LDAH: variants seen among roughly 807,000 people sequenced by gnomAD.
The protein encoded by LDAH is lipid droplet-associated hydrolase.
Under a neutral mutation model 29.6 loss-of-function variants are expected in LDAH, and 26 were observed. That is an observed-to-expected ratio of 0.88 (90% CI 0.64 to 1.22). LDAH has a LOEUF of 1.22. LDAH is among the 50% of genes most tolerant of loss of function. The pLI is 0.00. For missense variants in LDAH, 344 were observed against 387.3 expected (o/e 0.89, Z 0.94); for synonymous variants, 117 against 133.0 (o/e 0.88, Z 0.83).
chr2:20,822,887 A>G (rs1673436543), intron 1 of LDAH, 150 bp downstream of exon 1: 1 of 152,250 alleles, frequency 6.6e-6, no homozygotes, highest in Non-Finnish European at 1.5e-5. Flanking sequence ...CTGTCGGAAC[A>G]GTATTATTTT....
At chr2:20,783,222 T>C (rs1187295258) in intron 3 of LDAH, among the ~76,000 whole-genome samples, 2 of 152,196 alleles carry the variant, frequency 1.3e-5, no homozygotes, top group Non-Finnish European at 2.9e-5. Flanking sequence ...TCTTAAGGTA[T>C]GTTTTATGGC....
intron 6 of LDAH, 70 bp downstream of exon 6, chr2:20,701,500 C>A: frequency 8.1e-7 from 1 of 1,234,746 alleles, no homozygotes; most frequent in South Asian, 1.2e-5. Context: ...CTAACTAGTT[C>A]TAGTCCTTTG....
intron 1 of LDAH, among the ~76,000 whole-genome samples, chr2:20,806,941 A>G (rs1672103657): frequency 6.6e-6 from 1 of 151,834 alleles, no homozygotes; most frequent in Non-Finnish European, 1.5e-5. Flanking sequence ...AAGAGTAGAT[A>G]TTAATGAAAT....
At chr2:20,777,380 T>C (rs1669890937) in intron 3 of LDAH, among the ~76,000 whole-genome samples, 1 of 152,228 alleles carries the variant, frequency 6.6e-6, no homozygotes, top group Admixed American at 6.5e-5. Context: ...TTTCTAAAAA[T>C]GTACAATGAC....
At chr2:20,726,945 C>A (rs1000149320) in intron 5 of LDAH, among the ~76,000 whole-genome samples, 2 of 152,096 alleles carry the variant, frequency 1.3e-5, no homozygotes, top group African/African-American at 4.8e-5. Context: ...ACTTCTAAAC[C>A]AGAGATTATA....
intron 4 of LDAH, among the ~76,000 whole-genome samples, chr2:20,764,292 G>T (rs959716680): frequency 6.6e-6 from 1 of 152,222 alleles, no homozygotes; most frequent in Non-Finnish European, 1.5e-5. Flanking sequence ...GAGACTTACG[G>T]TTTTCTGAAA....
At chr2:20,708,789 C>T (rs2149368265) in intron 5 of LDAH, among the ~76,000 whole-genome samples, 1 of 152,206 alleles carries the variant, frequency 6.6e-6, no homozygotes, top group East Asian at 1.9e-4. Context: ...GTAACTATGA[C>T]ATCAAAAGCA....
intron 6 of LDAH, among the ~76,000 whole-genome samples, chr2:20,693,282 G>C (rs1415425330): frequency 7.1e-6 from 1 of 141,142 alleles, no homozygotes; most frequent in East Asian, 2.5e-4. Context: ...TGGGTGGGTG[G>C]GAGCTGTGCC....
At chr2:20,741,722 G>A (rs533467463) in intron 4 of LDAH, among the ~76,000 whole-genome samples, 2 of 152,228 alleles carry the variant, frequency 1.3e-5, no homozygotes, top group African/African-American at 2.4e-5. Flanking sequence ...AGGACATGCA[G>A]TATTTGTCTT....
chr2:20,819,102 C>G (rs540119636), intron 1 of LDAH, among the ~76,000 whole-genome samples: 1 of 152,162 alleles, frequency 6.6e-6, no homozygotes, highest in African/African-American at 2.4e-5. Context: ...AAAACGAAAC[C>G]ACACACTACA....
At chr2:20,764,281 A>G (rs1215802227) in intron 4 of LDAH, among the ~76,000 whole-genome samples, 1 of 152,248 alleles carries the variant, frequency 6.6e-6, no homozygotes, top group East Asian at 1.9e-4. Context: ...ACTTAGAGTA[A>G]GAGACTTACG....
intron 4 of LDAH, among the ~76,000 whole-genome samples, chr2:20,763,522 T>G (rs1668825965): frequency 6.6e-6 from 1 of 152,252 alleles, no homozygotes; most frequent in Non-Finnish European, 1.5e-5. Flanking sequence ...TTGAGACATG[T>G]TGGCTTATTC....
At chr2:20,750,891 C>T (rs370976665) in intron 4 of LDAH, among the ~76,000 whole-genome samples, 14 of 152,306 alleles carry the variant, frequency 9.2e-5, no homozygotes, top group African/African-American at 2.9e-4. Context: ...ATTATCCTAA[C>T]CAAATTAATG....
chr2:20,749,539 A>T (rs1051696063), intron 4 of LDAH, among the ~76,000 whole-genome samples: 9 of 152,214 alleles, frequency 5.9e-5, no homozygotes, highest in Admixed American at 2.6e-4. Flanking sequence ...AGGCATGTAT[A>T]GGGCACACAG....
chr2:20,719,224 G>T (rs375181858), intron 5 of LDAH, among the ~76,000 whole-genome samples: 9 of 130,538 alleles, frequency 6.9e-5, no homozygotes, highest in East Asian at 4.7e-4. Flanking sequence ...AAATGAAAAA[G>T]TTTTTTTTTT....
chr2:20,788,785 G>C, intron 3 of LDAH: 1 of 235,912 alleles, frequency 4.2e-6, no homozygotes, highest in South Asian at 5.2e-5. Context: ...TACACCTTTT[G>C]AAAGTGTCCT....
chr2:20,798,897 A>G (rs1385460220), intron 2 of LDAH, among the ~76,000 whole-genome samples: 1 of 152,086 alleles, frequency 6.6e-6, no homozygotes, highest in Non-Finnish European at 1.5e-5. Flanking sequence ...AAAACAAAAG[A>G]CAACTGAAGA....
chr2:20,685,764 T>C lies in LDAH; in HGVS notation c.*1139A>G. The C allele has an allele frequency of 7.4e-7, 1 of 1,355,308 alleles. No homozygotes were observed. The highest frequency in any genetic ancestry group is 9.9e-7 in the Non-Finnish European group (1 of 1,010,646). 84.0% of individuals were successfully genotyped at this position (1,355,308 alleles called of 1,614,324 possible). A position where few individuals can be genotyped will look rare whatever the true frequency, so the allele number is the denominator to read the frequency against. The stretch of plus-strand genomic sequence containing the variant: ...AGGCAGCAATATTGTCAGCCCACTC[T>C]AGGCCAGGGAATATGTGTCTTCTCT... On this transcript the variant is annotated 3_prime_UTR_variant, in exon 7 of 7. Transcript: ENST00000237822.
At chr2:20,719,356 A>C (rs1440683628) in intron 5 of LDAH, among the ~76,000 whole-genome samples, 1 of 151,966 alleles carries the variant, frequency 6.6e-6, no homozygotes, top group Non-Finnish European at 1.5e-5. Flanking sequence ...ACTACTATCA[A>C]CAGCTACATG....
Sources: gnomAD v4.1 joint callset for allele counts (sites outside exome capture counted in the v4.1 genomes callset) on GRCh38, gnomAD v4.1.1 for gene constraint, MANE v1.5 for transcripts, NCBI Gene and HGNC (gene_info 2026-07-23, HGNC 2026-07-21) for gene names.